The following PGBD2 variants were observed in gnomAD, a reference collection of about 807,000 sequenced individuals.
PGBD2 encodes piggyBac transposable element derived 2, also known as piggyBac transposable element-derived protein 2.
Under a neutral mutation model 8.1 loss-of-function variants are expected in PGBD2, and 6 were observed. The observed-to-expected ratio is 0.74, with a 90% confidence interval of 0.40 to 1.46. PGBD2 has a LOEUF of 1.46. Ranked by LOEUF, PGBD2 falls within the 40% of genes most tolerant of loss-of-function variation. PGBD2 has a pLI of 0.02. For synonymous variants in PGBD2, 318 were observed against 272.2 expected, an observed-to-expected ratio of 1.17 and a Z score of -1.66; for missense variants, 802 against 739.0, an observed-to-expected ratio of 1.09 and a Z score of -0.99.
chr1:248,919,278 T>C (rs1201906972), downstream of PGBD2: 2 of 167,042 alleles, frequency 1.2e-5, no homozygotes, highest in Non-Finnish European at 2.9e-5. Flanking sequence ...TTCCACTCTG[T>C]GTGTCCATGA....
intron 1 of PGBD2, among the ~76,000 whole-genome samples, chr1:248,910,146 G>T (rs138913706): frequency 1.6e-4 from 25 of 152,312 alleles, no homozygotes; most frequent in African/African-American, 6.0e-4. Flanking sequence ...AAGTCAGACT[G>T]TTTGAGTTTT....
the PGBD2 span, among the ~76,000 whole-genome samples, chr1:248,880,661 A>G: frequency 6.6e-6 from 1 of 152,208 alleles, no homozygotes; most frequent in Non-Finnish European, 1.5e-5. Flanking sequence ...TGGTTCCAAG[A>G]TGATGTTTAA....
rs1245962862 is a variant in PGBD2 at position 248,916,818 on chromosome 1, A to C, written c.234A>C (p.Ser78=). The change falls in exon 3 of 3, where the codon TCA becomes TCC. Residue 78 remains serine (S), a synonymous_variant. Coordinates refer to ENST00000329291, the MANE Select transcript of PGBD2 (RefSeq NM_170725.3). ...AHLPGSVLHA[S]VLCEDSGTGE... ...TACCTGGCAGTGTGCTGCATGCTTC[A>C]GTCCTGTGTGAGGACTCTGGCACCG... 2 of 1,614,182 alleles carry C rather than the reference A, an allele frequency of 1.2e-6. No individual in the cohort carries two copies. Among genetic ancestry groups the C allele is most frequent in the South Asian group, 2.2e-5 (2 of 91,082 alleles).
intron 2 of PGBD2, among the ~76,000 whole-genome samples, chr1:248,915,528 G>A (rs1419809814): frequency 6.6e-6 from 1 of 152,224 alleles, no homozygotes; most frequent in Non-Finnish European, 1.5e-5. Context: ...ACACTACGAT[G>A]TTTGGTAGGT....
At chr1:248,909,231 G>A (rs767314245) in intron 1 of PGBD2, among the ~76,000 whole-genome samples, 14 of 152,102 alleles carry the variant, frequency 9.2e-5, no homozygotes, top group Admixed American at 6.6e-5. Flanking sequence ...GGGGATGGAG[G>A]GCCTGGGGAG....
the PGBD2 span, among the ~76,000 whole-genome samples, chr1:248,927,256 G>C: frequency 6.6e-6 from 1 of 152,182 alleles, no homozygotes; most frequent in South Asian, 2.1e-4. Context: ...GAGAGCATGA[G>C]AATGTCGGGA....
At chr1:248,883,758 A>G in the PGBD2 span, among the ~76,000 whole-genome samples, 4 of 151,462 alleles carry the variant, frequency 2.6e-5, no homozygotes, top group Admixed American at 6.6e-5. Flanking sequence ...CACGATGCCC[A>G]GCTAATTTTT....
the PGBD2 span, among the ~76,000 whole-genome samples, chr1:248,896,333 C>T: frequency 6.6e-6 from 1 of 151,962 alleles, no homozygotes; most frequent in Admixed American, 6.6e-5. Flanking sequence ...AATCCATAAG[C>T]CAATTTCTCA....
At chr1:248,903,340 A>C (rs750741119), upstream of PGBD2, among the ~76,000 whole-genome samples, 17 of 152,192 alleles carry the variant, frequency 1.1e-4, no homozygotes, top group South Asian at 4.1e-4. Flanking sequence ...CTGGGGCTAC[A>C]GGTGTGTACC....
chr1:248,902,969 A>G (rs181327910), upstream of PGBD2, among the ~76,000 whole-genome samples: 23 of 152,198 alleles, frequency 1.5e-4, no homozygotes, highest in East Asian at 1.9e-4. Flanking sequence ...ACATTTACCT[A>G]TATAACAAAC....
chr1:248,876,542 G>C, the PGBD2 span, among the ~76,000 whole-genome samples: 2 of 152,162 alleles, frequency 1.3e-5, no homozygotes, highest in Non-Finnish European at 2.9e-5. Context: ...TAAAAGAGAT[G>C]TCTCTAGCTA....
At position 248,917,768 on chromosome 1, in the gene PGBD2, G is replaced by A. The variant is rs185337485; in HGVS notation, c.1184G>A (p.Arg395Lys). The A allele has an allele frequency of 2.4e-5, 38 of 1,614,214 alleles. No homozygotes were observed. The East Asian group carries it at 8.2e-4, about 35-fold the overall frequency. The change falls in exon 3 of 3, where the codon AGG (arginine) becomes AAG (lysine). Residue 395 changes from arginine (R) to lysine (K), a missense_variant. Coordinates refer to ENST00000329291, the MANE Select transcript of PGBD2 (RefSeq NM_170725.3). The part of the protein sequence containing the change: ...KDPKELKKMK[R>K]GSFDYKVDES... ...CCCAAAGAACTGAAAAAAATGAAGA[G>A]GGGTTCATTTGATTACAAAGTCGAT...
intron 1 of PGBD2, among the ~76,000 whole-genome samples, chr1:248,908,602 G>T (rs949934119): frequency 6.6e-6 from 1 of 151,854 alleles, no homozygotes; most frequent in Admixed American, 6.6e-5. Flanking sequence ...ATCTATGTTG[G>T]GGCCTGCATA....
intron 1 of PGBD2, among the ~76,000 whole-genome samples, chr1:248,906,928 T>TG (rs1348721621): frequency 6.6e-6 from 1 of 152,088 alleles, no homozygotes; most frequent in African/African-American, 2.4e-5. Flanking sequence ...AGGGGTGGCC[T>TG]GCCCTTCCAC....
chr1:248,916,189 G>A (rs1310532984), intron 2 of PGBD2, among the ~76,000 whole-genome samples: 1 of 152,170 alleles, frequency 6.6e-6, no homozygotes, highest in Non-Finnish European at 1.5e-5. Flanking sequence ...TGAGGCAGGT[G>A]GATCACGAGG....
chr1:248,917,812 G>C lies in PGBD2; in HGVS notation c.1228G>C (p.Val410Leu). The C allele has an allele frequency of 6.2e-7, 1 of 1,614,150 alleles. No individual in the cohort carries two copies. Among genetic ancestry groups the C allele is most frequent in the Non-Finnish European group, 8.5e-7 (1 of 1,180,042 alleles). The change falls in exon 3 of 3, where the codon GTG becomes CTG. Residue 410 changes from valine to leucine, a missense_variant. By Grantham distance (32) the Val-to-Leu change is conservative. Coordinates refer to ENST00000329291, the MANE Select transcript of PGBD2 (RefSeq NM_170725.3). ...YKVDESEEII[V>L]CRWHDSSVVN... ...AGTCGATGAGAGTGAGGAGATCATCGTGTGCCGCTGGCACGATAGCAGCGT... is the reference window on the plus strand; with the variant it reads ...AGTCGATGAGAGTGAGGAGATCATCCTGTGCCGCTGGCACGATAGCAGCGT...
In PGBD2 at chr1:248,917,751, A is replaced by G. The variant is rs761910063; in HGVS notation, c.1167A>G (p.Glu389=). The change falls in exon 3 of 3, where the codon GAA becomes GAG. Residue 389 remains glutamate, a synonymous_variant. Transcript: ENST00000329291. The part of the protein sequence containing the change: ...TERCPLKDPK[E]LKKMKRGSFD... ...GATGTCCCCTAAAAGACCCCAAAGA[A>G]CTGAAAAAAATGAAGAGGGGTTCAT... is the stretch of plus-strand genomic sequence containing the variant. The G allele has an allele frequency of 1.2e-6, 2 of 1,614,222 alleles. No individual in the cohort carries two copies. Among genetic ancestry groups the G allele is most frequent in the East Asian group, 4.5e-5 (2 of 44,888 alleles).
the PGBD2 span, among the ~76,000 whole-genome samples, chr1:248,883,349 C>T: frequency 1.1e-4 from 16 of 152,060 alleles, no homozygotes; most frequent in African/African-American, 3.4e-4. Flanking sequence ...TCTCAAACTC[C>T]CAACCTCAGG....
At chr1:248,908,215 C>T (rs1209882003) in intron 1 of PGBD2, among the ~76,000 whole-genome samples, 1 of 152,182 alleles carries the variant, frequency 6.6e-6, no homozygotes, top group Non-Finnish European at 1.5e-5. Context: ...TTTTAAACAG[C>T]AGCTCTCCCA....
Sources: gnomAD v4.1 joint callset for allele counts (sites outside exome capture counted in the v4.1 genomes callset) on GRCh38, gnomAD v4.1.1 for gene constraint, MANE v1.5 for transcripts, NCBI Gene and HGNC (gene_info 2026-07-23, HGNC 2026-07-21) for gene names.